Variants in ACTL6B observed in about 807,000 individuals in gnomAD.
The protein encoded by ACTL6B is actin-like protein 6B.
A neutral mutation model predicts 63.3 loss-of-function variants in ACTL6B; 48 were observed. The observed-to-expected ratio is 0.76, with a 90% CI of 0.60 to 0.96. The LOEUF (loss-of-function observed/expected upper bound fraction) is 0.96. ACTL6B is among the 50% of genes least tolerant of loss of function. The probability of loss-of-function intolerance (pLI) is 0.00; values close to 1 mark genes in which losing one functional copy is unlikely to be tolerated. For missense variants in ACTL6B, 350 were observed against 572.2 expected (o/e 0.61, Z 3.96); for synonymous variants, 230 against 223.8 (o/e 1.03, Z -0.25).
intron 4 of ACTL6B, among the ~76,000 whole-genome samples, chr7:100,652,520 G>A (rs1349521262): frequency 2.0e-5 from 3 of 149,686 alleles, no homozygotes; most frequent in African/African-American, 7.4e-5. Flanking sequence ...CCCAGGAGGT[G>A]GAGCTTGCAG....
chr7:100,656,228 T>C (rs1372316136), intron 1 of ACTL6B, 102 bp downstream of exon 1: 31 of 1,280,668 alleles, frequency 2.4e-5, no homozygotes, highest in Non-Finnish European at 3.0e-5. Context: ...CTCGACCCGC[T>C]CGTGCGCGGA....
At chr7:100,643,417 C>A in intron 13 of ACTL6B, 91 bp from the exon 14 acceptor site, 1 of 1,350,830 alleles carries the variant, frequency 7.4e-7, no homozygotes, top group East Asian at 2.3e-5. Context: ...CCAACAGGCC[C>A]CAACCACCCC....
In ACTL6B at chr7:100,647,302, G is replaced by C. The variant is rs1376078121; in HGVS notation, c.760-18C>G. 3 of 1,613,062 alleles carry C rather than the reference G, an allele frequency of 1.9e-6. No homozygotes were observed. The highest frequency in any genetic ancestry group is 2.2e-5 in the South Asian group (2 of 91,074). ...ATCACCTCCTGAAATCCCAGCGGAG[G>C]TGGTGAGGGCCTGCCTTCCCCGTGA... On this transcript the variant is annotated intron_variant, in intron 8 of 13. Coordinates refer to ENST00000160382, the MANE Select transcript of ACTL6B (RefSeq NM_016188.5). This position sits in a 1 kb window ranked among gnomAD's most constrained non-coding sequence, Gnocchi z 4.4.
Position 100,648,292 on chromosome 7 carries a change from T to C in ACTL6B, c.669+264A>G. 1 of 299,988 alleles carries C rather than the reference T, an allele frequency of 3.3e-6. No homozygotes were observed. The highest frequency in any genetic ancestry group is 6.2e-6 in the Non-Finnish European group (1 of 162,554). The allele number at this position is 299,988 out of a possible 1,614,324, so 18.6% of individuals were successfully genotyped here. A position where few individuals can be genotyped will look rare whatever the true frequency, so the allele number is the denominator to read the frequency against. On this transcript the variant is annotated intron_variant, in intron 7 of 13. Transcript: ENST00000160382. This position sits in a 1 kb window ranked among gnomAD's most constrained non-coding sequence, Gnocchi z 4.4. ...GCTCTTGCACGGCAGAGGCAGAACT[T>C]GAACCTGGGTCTATATTGGACCCTA...
chr7:100,649,817 G>A (rs1469049263), intron 5 of ACTL6B: 1 of 505,752 alleles, frequency 2.0e-6, no homozygotes, highest in Non-Finnish European at 3.6e-6. Flanking sequence ...TGCTCAGCCT[G>A]ATCCGGGGAA....
Position 100,648,810 on chromosome 7 carries a change from G to A in ACTL6B, c.481C>T (p.Arg161Trp). 6.2e-7 allele frequency: 1 copy of A among 1,613,552 alleles called. No homozygotes were observed. Among genetic ancestry groups the A allele is most frequent in the Non-Finnish European group, 8.5e-7 (1 of 1,179,796 alleles). ...CTGTCCAGCACGAGGCCAGTGGACC[G>A]CCCGTTTGCAAAGCTGGCATCGGAT... ...TAVLTAFANGRSTGLVLDSGA... is the reference protein window; with the variant it reads ...TAVLTAFANGWSTGLVLDSGA... Residue 161 changes from arginine to tryptophan, a missense_variant, in exon 6 of 14, where the codon CGG becomes TGG. By Grantham distance (101) the Arg-to-Trp change is moderately radical. Transcript: ENST00000160382. This position sits in a 1 kb window ranked among gnomAD's most constrained non-coding sequence, Gnocchi z 4.4.
At position 100,655,927 on chromosome 7, in the gene ACTL6B, CCG is replaced by C; in HGVS notation, c.26-50_26-49del. 6.5e-7 allele frequency: 1 copy of C among 1,527,052 alleles called. No homozygotes were observed. The highest frequency in any genetic ancestry group is 8.8e-7 in the Non-Finnish European group (1 of 1,130,312). The allele number at this position is 1,527,052 out of a possible 1,614,324, so 94.6% of individuals were successfully genotyped here. A position where few individuals can be genotyped will look rare whatever the true frequency, so the allele number is the denominator to read the frequency against. ...AAGGGGACCTCCCCCGAACTCTCTC[CCG>C]CTAGGTAGCTCCGAGAGAAAGTCAG... On this transcript the variant is annotated intron_variant, in intron 1 of 13. Transcript: ENST00000160382. This position sits in a 1 kb window ranked among gnomAD's most constrained non-coding sequence, Gnocchi z 4.4.
intron 4 of ACTL6B, among the ~76,000 whole-genome samples, chr7:100,654,164 G>A (rs924929779): frequency 1.3e-5 from 2 of 151,612 alleles, no homozygotes; most frequent in African/African-American, 2.4e-5. Flanking sequence ...AGTAGAGATG[G>A]GGTTTCACCG....
At position 100,647,055 on chromosome 7, in the gene ACTL6B, G is replaced by A. The variant is rs141640000; in HGVS notation, c.852C>T (p.Tyr284=). The change falls in exon 10 of 14, where the codon TAC becomes TAT. Residue 284 remains tyrosine (Y), a synonymous_variant. Coordinates refer to ENST00000160382, the MANE Select transcript of ACTL6B (RefSeq NM_016188.5). The surrounding 1 kb of genome is among the most constrained non-coding windows in gnomAD (Gnocchi z 4.4). ...CTGTATTGTAGCCATTGGGCATCTC[G>A]TAGTGCACTGTGGGCATTTGTGCAG... is the stretch of plus-strand genomic sequence containing the variant. The part of the protein sequence containing the change: ...QVAAQMPTVH[Y]EMPNGYNTDY... 28,890 of 1,614,058 alleles carry A rather than the reference G, an allele frequency of 0.018. 304 individuals are homozygous for A. The highest frequency in any genetic ancestry group is 0.021 in the Non-Finnish European group (24,214 of 1,179,978).
Position 100,655,650 on chromosome 7 carries a change from C to G in ACTL6B, c.103-64G>C. 6.4e-7 allele frequency: 1 copy of G among 1,561,646 alleles called. No homozygotes were observed. Among genetic ancestry groups the G allele is most frequent in the Non-Finnish European group, 8.7e-7 (1 of 1,153,724 alleles). ...AGGTCACCCTCTTGCCCCTGTCCAG[C>G]CCCACAGCAGGGTCCTCAGACCGCC... On this transcript the variant is annotated intron_variant, in intron 2 of 13. Transcript: ENST00000160382. This position sits in a 1 kb window ranked among gnomAD's most constrained non-coding sequence, Gnocchi z 4.4.
Position 100,647,230 on chromosome 7 carries a change from C to T in ACTL6B, c.814G>A (p.Asp272Asn). ...GCCCTGAGCCACACTCACTGTTCAT[C>T]GTAGGGGGAGTCTGAGACCTGCAGC... ...SVLQVSDSPY[D>N]EQVAAQMPTV... Residue 272 changes from aspartate to asparagine, a missense_variant, in exon 9 of 14, where the codon GAT becomes AAT. Asp to Asn is a conservative substitution (Grantham distance 23). Transcript: ENST00000160382. This position sits in a 1 kb window ranked among gnomAD's most constrained non-coding sequence, Gnocchi z 4.4. 2 of 1,602,448 alleles carry T rather than the reference C, an allele frequency of 1.2e-6. No individual in the cohort carries two copies. Among genetic ancestry groups the T allele is most frequent in the South Asian group, 1.1e-5 (1 of 90,876 alleles).
rs1584468442 is a variant in ACTL6B, at chr7:100,647,628, G to A, written c.670-95C>T. The A allele has an allele frequency of 5.3e-6, 5 of 937,978 alleles. No homozygotes were observed. The highest frequency in any genetic ancestry group is 1.6e-5 in the South Asian group (1 of 62,024). 58.1% of individuals were successfully genotyped at this position (937,978 alleles called of 1,614,324 possible). On this transcript the variant is annotated intron_variant, in intron 7 of 13. Coordinates refer to ENST00000160382, the MANE Select transcript of ACTL6B (RefSeq NM_016188.5). This position sits in a 1 kb window ranked among gnomAD's most constrained non-coding sequence, Gnocchi z 4.4. ...GTTCCCAGCTCTGCAGCTACCTGGC[G>A]CTGCAGGCTCTGCTGTGCTGCCTGC...
Position 100,648,040 on chromosome 7 carries a change from A to C in ACTL6B, c.670-507T>G, listed in dbSNP as rs952460547. On this transcript the variant is annotated intron_variant, in intron 7 of 13. Transcript: ENST00000160382. The surrounding 1 kb of genome is among the most constrained non-coding windows in gnomAD (Gnocchi z 4.4). Reference sequence around the variant, plus strand: ...AGTGGCGCGATCTCGGCTCACTGCAACCTCTGCCTCCGGGGTTCAGGTGAT... The same window carrying C: ...AGTGGCGCGATCTCGGCTCACTGCACCCTCTGCCTCCGGGGTTCAGGTGAT... Among the ~76,000 whole-genome samples, 1 of 150,376 alleles carries C rather than the reference A, an allele frequency of 6.6e-6. No homozygotes were observed. Among genetic ancestry groups the C allele is most frequent in the African/African-American group, 2.5e-5 (1 of 40,802 alleles).
intron 4 of ACTL6B, among the ~76,000 whole-genome samples, chr7:100,652,777 T>G (rs987935001): frequency 6.7e-6 from 1 of 149,686 alleles, no homozygotes; most frequent in Non-Finnish European, 1.5e-5. Context: ...CCAAGGTCGG[T>G]GGATCACGAG....
Position 100,643,221 on chromosome 7 carries a change from A to G in ACTL6B, c.*25T>C. ...TAAGGGACTTCCATCTGAGCTTGGG[A>G]GCAGGTGTGTGGGGAGGAGTGCCAT... is the stretch of plus-strand genomic sequence containing the variant. On this transcript the variant is annotated 3_prime_UTR_variant, in exon 14 of 14. Transcript: ENST00000160382. The G allele has an allele frequency of 6.2e-7, 1 of 1,612,356 alleles. No individual in the cohort carries two copies. Among genetic ancestry groups the G allele is most frequent in the South Asian group, 1.1e-5 (1 of 91,030 alleles).
In ACTL6B at chr7:100,646,626, A is replaced by G. The variant is rs1185456559; in HGVS notation, c.1038T>C (p.Ile346=). The G allele has an allele frequency of 3.7e-6, 6 of 1,614,078 alleles. No individual in the cohort carries two copies. The highest frequency in any genetic ancestry group is 5.1e-6 in the Non-Finnish European group (6 of 1,179,996). ...DIRPGLYGSV[I]VTGGNTLLQG... ...GCAGCAGTGTGTTCCCGCCGGTGAC[A>G]ATGACACTCCCGTACAGGCCCTGAG... is the stretch of plus-strand genomic sequence containing the variant. Residue 346 remains isoleucine (I), a synonymous_variant, in exon 12 of 14, where the codon ATT becomes ATC. Transcript: ENST00000160382. This position sits in a 1 kb window ranked among gnomAD's most constrained non-coding sequence, Gnocchi z 6.1.
intron 4 of ACTL6B, among the ~76,000 whole-genome samples, chr7:100,654,223 C>T (rs1265794997): frequency 2.6e-5 from 4 of 151,678 alleles, no homozygotes; most frequent in Non-Finnish European, 4.4e-5. Context: ...CCACCCGCCT[C>T]GGCCTCCCAA....
At position 100,655,336 on chromosome 7, in the gene ACTL6B, C is replaced by A; in HGVS notation, c.268+85G>T. On this transcript the variant is annotated intron_variant, in intron 3 of 13. Transcript: ENST00000160382. This position sits in a 1 kb window ranked among gnomAD's most constrained non-coding sequence, Gnocchi z 4.4. ...GAACCCTGGGGCTGCAAGGAAGACTCCGCGGGGAGTGGGGGCTGCTATGAC... is the reference window on the plus strand; with the variant it reads ...GAACCCTGGGGCTGCAAGGAAGACTACGCGGGGAGTGGGGGCTGCTATGAC... 1 of 1,473,648 alleles carries A rather than the reference C, an allele frequency of 6.8e-7. No individual in the cohort carries two copies. Among genetic ancestry groups the A allele is most frequent in the Non-Finnish European group, 9.2e-7 (1 of 1,084,104 alleles). The allele number at this position is 1,473,648 out of a possible 1,614,324, so 91.3% of individuals were successfully genotyped here.
At position 100,655,261 on chromosome 7, in the gene ACTL6B, G is replaced by T; in HGVS notation, c.269-142C>A. The stretch of plus-strand genomic sequence containing the variant: ...GGAACGCCCCCCTTCCCAGAAACCT[G>T]GTGGGCCCCTGGGAAGGGAACCCAG... On this transcript the variant is annotated intron_variant, in intron 3 of 13. Transcript: ENST00000160382. This position sits in a 1 kb window ranked among gnomAD's most constrained non-coding sequence, Gnocchi z 4.4. The T allele has an allele frequency of 8.4e-7, 1 of 1,195,224 alleles. No individual in the cohort carries two copies. Among genetic ancestry groups the T allele is most frequent in the Non-Finnish European group, 1.2e-6 (1 of 838,214 alleles). 74.0% of individuals were successfully genotyped at this position (1,195,224 alleles called of 1,614,324 possible).
Sources: allele counts gnomAD v4.1 joint callset (sites outside exome capture counted in the v4.1 genomes callset), GRCh38; gene constraint gnomAD v4.1.1; non-coding constraint Gnocchi (gnomAD v3.1); transcripts MANE v1.5; gene names NCBI Gene and HGNC (gene_info 2026-07-23, HGNC 2026-07-21).